Variants in CLDN16 observed in about 807,000 individuals in gnomAD.
CLDN16 encodes the protein claudin-16.
A neutral mutation model predicts 24.6 loss-of-function variants in CLDN16; 13 were observed. The ratio of observed to expected loss-of-function variants is 0.53; its 90% CI spans 0.34 to 0.84. The LOEUF (loss-of-function observed/expected upper bound fraction) is 0.84. Among genes scored for constraint, CLDN16 ranks in the 40% least tolerant of loss-of-function variants. CLDN16 has a pLI of 0.01. For synonymous variants in CLDN16, 116 were observed against 106.7 expected (o/e 1.09, Z -0.54); for missense variants, 298 against 292.7 (o/e 1.02, Z -0.13).
intron 1 of CLDN16, among the ~76,000 whole-genome samples, chr3:190,389,826 T>C (rs1001750205): frequency 3.3e-5 from 5 of 152,236 alleles, no homozygotes; most frequent in African/African-American, 1.2e-4. Flanking sequence ...TACAGAAATA[T>C]GTTTAACTTG....
upstream of CLDN16, among the ~76,000 whole-genome samples, chr3:190,383,220 G>A (rs903757734): frequency 2.3e-4 from 35 of 152,104 alleles, no homozygotes; most frequent in African/African-American, 8.2e-4. Context: ...TAGAGTTTAG[G>A]AGATAATTTT....
At chr3:190,402,258 C>G in intron 1 of CLDN16, 79 bp from the exon 2 acceptor site, 1 of 1,098,536 alleles carries the variant, frequency 9.1e-7, no homozygotes. Flanking sequence ...AACACAACCA[C>G]CAACTTCTCT....
the CLDN16 span, chr3:190,308,538 C>T: frequency 1.2e-5 from 14 of 1,153,642 alleles, 1 homozygote; most frequent in South Asian, 1.6e-4. Flanking sequence ...GTATTTTTTT[C>T]ATTGAAAATA....
At chr3:190,329,425 T>C (rs1717136732) in intron 1 of CLDN16, among the ~76,000 whole-genome samples, 1 of 152,334 alleles carries the variant, frequency 6.6e-6, no homozygotes, top group Admixed American at 6.5e-5. Context: ...GAAGAATGAC[T>C]CTTATTCCCT....
At chr3:190,366,083 A>G (rs567447799) in intron 1 of CLDN16, among the ~76,000 whole-genome samples, 54 of 152,002 alleles carry the variant, frequency 3.6e-4, no homozygotes, top group South Asian at 1.2e-3. Context: ...CTACTTCTCA[A>G]TCAATGCTTT....
At chr3:190,397,074 A>G (rs1175096554) in intron 1 of CLDN16, among the ~76,000 whole-genome samples, 1 of 152,156 alleles carries the variant, frequency 6.6e-6, no homozygotes, top group African/African-American at 2.4e-5. Flanking sequence ...AGGTACCCAG[A>G]ATGACCAAGT....
chr3:190,324,649 T>G (rs985568111), intron 1 of CLDN16, among the ~76,000 whole-genome samples: 5 of 152,166 alleles, frequency 3.3e-5, no homozygotes, highest in African/African-American at 1.2e-4. Context: ...TCCCGTGTTT[T>G]TGTTTTGTAT....
intron 3 of CLDN16, 89 bp from the exon 4 acceptor site, chr3:190,408,225 G>T (rs907905884): frequency 2.3e-6 from 3 of 1,285,950 alleles, no homozygotes; most frequent in African/African-American, 2.9e-5. Context: ...TCTGAATCAC[G>T]CCAGCCATTT....
chr3:190,402,685 C>A (rs189008859), intron 2 of CLDN16, among the ~76,000 whole-genome samples: 22 of 151,986 alleles, frequency 1.4e-4, no homozygotes, highest in African/African-American at 5.1e-4. Flanking sequence ...CTCTGCTGTC[C>A]CTCAGAGGGC....
At chr3:190,396,959 C>T (rs1274452337) in intron 1 of CLDN16, among the ~76,000 whole-genome samples, 2 of 152,118 alleles carry the variant, frequency 1.3e-5, no homozygotes, top group Admixed American at 6.5e-5. Context: ...ACGAGAGAGG[C>T]AGGTTGGGTA....
At chr3:190,379,831 A>C (rs538041894) in intron 3 of CLDN16, among the ~76,000 whole-genome samples, 1 of 152,208 alleles carries the variant, frequency 6.6e-6, no homozygotes, top group South Asian at 2.1e-4. Context: ...GAACTACATC[A>C]ACCATTATCT....
chr3:190,316,218 G>C, the CLDN16 span, among the ~76,000 whole-genome samples: 1 of 152,150 alleles, frequency 6.6e-6, no homozygotes, highest in African/African-American at 2.4e-5. Context: ...ATAGAAATGA[G>C]ATCCTGCTTT....
chr3:190,303,691 C>A, the CLDN16 span, among the ~76,000 whole-genome samples: 1 of 152,158 alleles, frequency 6.6e-6, no homozygotes, highest in Admixed American at 6.5e-5. Context: ...TTATAAATAA[C>A]AACTTACCCT....
chr3:190,402,938 C>T (rs1719000312), intron 2 of CLDN16, among the ~76,000 whole-genome samples: 1 of 152,112 alleles, frequency 6.6e-6, no homozygotes, highest in Non-Finnish European at 1.5e-5. Flanking sequence ...GAGACATAGA[C>T]TATGGGGATC....
At chr3:190,352,482 T>C (rs1400836915) in intron 1 of CLDN16, among the ~76,000 whole-genome samples, 1 of 152,164 alleles carries the variant, frequency 6.6e-6, no homozygotes. Flanking sequence ...TTTTGAAATG[T>C]TTATTCTAAC....
chr3:190,356,815 C>G (rs542986211), intron 1 of CLDN16, among the ~76,000 whole-genome samples: 304 of 151,850 alleles, frequency 2.0e-3, no homozygotes, highest in Non-Finnish European at 3.5e-3. Flanking sequence ...ATAATGATTG[C>G]AGATATCATA....
intron 1 of CLDN16, among the ~76,000 whole-genome samples, chr3:190,351,118 A>C (rs1717664169): frequency 6.8e-6 from 1 of 147,572 alleles, no homozygotes. Context: ...ACTCCCCCCC[A>C]CCCCCTTGGT....
chr3:190,347,564 G>C (rs1454987051), intron 1 of CLDN16, among the ~76,000 whole-genome samples: 1 of 152,144 alleles, frequency 6.6e-6, no homozygotes, highest in African/African-American at 2.4e-5. Flanking sequence ...ATTATCTTAG[G>C]TATCAAGGAC....
At chr3:190,294,872 G>T in the CLDN16 span, among the ~76,000 whole-genome samples, 3 of 151,958 alleles carry the variant, frequency 2.0e-5, no homozygotes, top group Non-Finnish European at 4.4e-5. Context: ...ATAAATATGA[G>T]GATTAAATCA....
Sources: allele counts gnomAD v4.1 joint callset (sites outside exome capture counted in the v4.1 genomes callset), GRCh38; gene constraint gnomAD v4.1.1; transcripts MANE v1.5; gene names NCBI Gene and HGNC (gene_info 2026-07-23, HGNC 2026-07-21).